The following HOOK3 variants were observed in gnomAD, a reference collection of about 807,000 sequenced individuals.
The protein encoded by HOOK3 is protein Hook homolog 3.
A neutral mutation model predicts 116.3 loss-of-function variants in HOOK3; 24 were observed. That is an observed-to-expected ratio of 0.21 (90% CI 0.15 to 0.29). HOOK3 has a LOEUF of 0.29. HOOK3 is among the 10% of genes least tolerant of loss of function. HOOK3 has a pLI of 1.00. For synonymous variants in HOOK3, 275 were observed against 283.0 expected (o/e 0.97, Z 0.28); for missense variants, 632 against 830.2 (o/e 0.76, Z 2.93).
Position 42,982,710 on chromosome 8 carries a change from G to A in HOOK3, c.1391+14G>A, listed in dbSNP as rs751577943. ...ACCTGAAATCAGGTAAGGAGATTGT[G>A]GTGTTCACACTTACACTGCACAGTA... On this transcript the variant is annotated intron_variant, in intron 14 of 21. Transcript: ENST00000307602. The A allele has an allele frequency of 3.2e-6, 5 of 1,575,052 alleles. No homozygotes were observed. Among genetic ancestry groups the A allele is most frequent in the African/African-American group, 1.3e-5 (1 of 74,224 alleles).
At chr8:42,928,613 C>G (rs894913463) in intron 3 of HOOK3, among the ~76,000 whole-genome samples, 1 of 152,084 alleles carries the variant, frequency 6.6e-6, no homozygotes, top group Non-Finnish European at 1.5e-5. Context: ...TATACTGTCT[C>G]CAGTGTCATG....
chr8:42,981,125 C>T (rs1410148097), intron 13 of HOOK3, among the ~76,000 whole-genome samples: 2 of 151,000 alleles, frequency 1.3e-5, no homozygotes, highest in African/African-American at 2.4e-5. Context: ...GATCTCAACT[C>T]ACTGCAGCCT....
intron 19 of HOOK3, among the ~76,000 whole-genome samples, chr8:43,011,140 C>A (rs1275586699): frequency 6.6e-6 from 1 of 152,020 alleles, no homozygotes; most frequent in Non-Finnish European, 1.5e-5. Context: ...CTACAGGCGC[C>A]TGCCACCACA....
intron 8 of HOOK3, among the ~76,000 whole-genome samples, chr8:42,960,224 A>G (rs908249458): frequency 5.9e-5 from 9 of 152,214 alleles, no homozygotes; most frequent in Non-Finnish European, 8.8e-5. Flanking sequence ...TACAAATACA[A>G]TTTTATCATG....
chr8:42,922,140 A>C (rs1807668796), intron 2 of HOOK3, among the ~76,000 whole-genome samples: 1 of 152,234 alleles, frequency 6.6e-6, no homozygotes. Flanking sequence ...AGTTATGTAA[A>C]ACTTTTAAAA....
chr8:42,932,887 A>G (rs1563294333), intron 4 of HOOK3, among the ~76,000 whole-genome samples: 1 of 152,146 alleles, frequency 6.6e-6, no homozygotes, highest in East Asian at 1.9e-4. Context: ...ATTTATTCTC[A>G]TAGCCCAAGG....
rs796390607 is a variant in HOOK3 at position 43,025,882 on chromosome 8, A to G, written c.*7384A>G. ...GCAAAAGTAGACATTTTTAAAGTAT[A>G]TTCAACATTGTGCCATTATTTACCT... On this transcript the variant is annotated 3_prime_UTR_variant, in exon 22 of 22. Coordinates refer to ENST00000307602, the MANE Select transcript of HOOK3 (RefSeq NM_032410.4). The G allele has an allele frequency of 1.4e-5, 3 of 210,114 alleles. No individual in the cohort carries two copies. The highest frequency in any genetic ancestry group is 6.8e-5 in the African/African-American group (3 of 44,142). 13.0% of individuals were successfully genotyped at this position (210,114 alleles called of 1,614,324 possible).
chr8:42,950,069 A>G (rs1426840229), intron 5 of HOOK3, among the ~76,000 whole-genome samples: 1 of 152,178 alleles, frequency 6.6e-6, no homozygotes, highest in Non-Finnish European at 1.5e-5. Flanking sequence ...AGTAATACAG[A>G]GATTTTTCCA....
intron 3 of HOOK3, 139 bp from the exon 4 acceptor site, chr8:42,929,983 A>C: frequency 1.4e-6 from 1 of 737,154 alleles, no homozygotes; most frequent in Non-Finnish European, 2.1e-6. Flanking sequence ...TGATAATTCA[A>C]ATATGCTTTT....
At chr8:42,926,856 T>TGAAAGA (rs1488809990) in intron 3 of HOOK3, among the ~76,000 whole-genome samples, 11 of 152,236 alleles carry the variant, frequency 7.2e-5, no homozygotes, top group Non-Finnish European at 1.5e-4. Flanking sequence ...CCCAGAACTA[T>TGAAAGA]TCCGTCACCA....
Position 43,010,134 on chromosome 8 carries a change from T to A in HOOK3, c.1739-171T>A, listed in dbSNP as rs188613289. On this transcript the variant is annotated intron_variant, in intron 18 of 21. Coordinates refer to ENST00000307602, the MANE Select transcript of HOOK3 (RefSeq NM_032410.4). ...AAAAAAAAAAAATTCTGAATTTTTT[T>A]AAAATAAAATTATGTGTAAAAATAG... Among the ~76,000 whole-genome samples the A allele has an allele frequency of 8.1e-3, 1,223 of 150,680 alleles. 4 individuals carry two copies. Among genetic ancestry groups the A allele is most frequent in the Middle Eastern group, 0.028 (8 of 288 alleles).
At chr8:42,966,986 C>G (rs1250925692) in intron 10 of HOOK3, among the ~76,000 whole-genome samples, 1 of 152,074 alleles carries the variant, frequency 6.6e-6, no homozygotes, top group Non-Finnish European at 1.5e-5. Flanking sequence ...GTTATTACCC[C>G]TTCAGTTCTC....
chr8:42,973,378 C>T lies in HOOK3; in HGVS notation c.1212C>T (p.Asp404=). 1 of 1,611,820 alleles carries T rather than the reference C, an allele frequency of 6.2e-7. No individual in the cohort carries two copies. Among genetic ancestry groups the T allele is most frequent in the Non-Finnish European group, 8.5e-7 (1 of 1,179,002 alleles). ...ATAAGCGGCTAAAAGAAAAAGTTGA[C>T]AGTCTTCAAAAAGAAAAGGACGTGA... ...FEYKRLKEKV[D]SLQKEKDRLR... The change falls in exon 12 of 22, where the codon GAC becomes GAT. Residue 404 remains aspartate (D), a synonymous_variant. Transcript: ENST00000307602.
At chr8:42,904,872 T>C (rs1807272054) in intron 1 of HOOK3, among the ~76,000 whole-genome samples, 4 of 152,310 alleles carry the variant, frequency 2.6e-5, no homozygotes, top group Admixed American at 1.3e-4. Context: ...TTATGCCTGC[T>C]GTTGACACTT....
At chr8:42,926,629 T>C (rs2049460) in intron 3 of HOOK3, among the ~76,000 whole-genome samples, 1,988 of 152,298 alleles carry the variant, frequency 0.013, 142 homozygotes, top group Admixed American at 0.11. Flanking sequence ...TTGCAAAAAA[T>C]GTGTACTAAG....
chr8:42,929,850 G>GTC (rs1350814096), intron 3 of HOOK3, among the ~76,000 whole-genome samples: 1 of 152,058 alleles, frequency 6.6e-6, no homozygotes, highest in Non-Finnish European at 1.5e-5. Flanking sequence ...TTATTGTTAA[G>GTC]TCTCATTCAG....
chr8:42,919,733 G>C (rs1173616230), intron 2 of HOOK3, among the ~76,000 whole-genome samples: 2 of 152,220 alleles, frequency 1.3e-5, no homozygotes, highest in African/African-American at 2.4e-5. Flanking sequence ...TCGCGGTCAG[G>C]AGCTGGAGAC....
intron 4 of HOOK3, among the ~76,000 whole-genome samples, chr8:42,942,294 C>T (rs1044850486): frequency 6.6e-6 from 1 of 152,170 alleles, no homozygotes; most frequent in Non-Finnish European, 1.5e-5. Flanking sequence ...AGTCCCGCTC[C>T]TCCAAAACCC....
At chr8:42,985,640 C>T (rs1936406390) in intron 14 of HOOK3, among the ~76,000 whole-genome samples, 1 of 151,532 alleles carries the variant, frequency 6.6e-6, no homozygotes, top group African/African-American at 2.4e-5. Flanking sequence ...CCATGTTGCC[C>T]ATACTGAGGC....
Sources: gnomAD v4.1 joint callset for allele counts (sites outside exome capture counted in the v4.1 genomes callset) on GRCh38, gnomAD v4.1.1 for gene constraint, MANE v1.5 for transcripts, NCBI Gene and HGNC (gene_info 2026-07-23, HGNC 2026-07-21) for gene names.